The following ATG2B variants were observed in gnomAD, a reference collection of about 807,000 sequenced individuals.
ATG2B encodes the protein autophagy-related protein 2 homolog B.
Under a neutral mutation model 241.3 loss-of-function variants are expected in ATG2B, and 121 were observed. That is an observed-to-expected ratio of 0.50 (90% CI 0.43 to 0.58). ATG2B has a LOEUF of 0.58. ATG2B is among the 20% of genes least tolerant of loss of function. The probability of loss-of-function intolerance (pLI) is 0.00; values close to 1 mark genes in which losing one functional copy is unlikely to be tolerated. For synonymous variants in ATG2B, 858 were observed against 876.6 expected (o/e 0.98, Z 0.37); for missense variants, 2,306 against 2,491.6 (o/e 0.93, Z 1.59).
rs889895065 is a variant in ATG2B, at chr14:96,290,752, G to A, written c.5701+62C>T. On this transcript the variant is annotated intron_variant, in intron 39 of 41. Transcript: ENST00000359933. The surrounding 1 kb of genome is among the most constrained non-coding windows in gnomAD (Gnocchi z 4.4). The stretch of plus-strand genomic sequence containing the variant: ...ATGGTCCTCACATAAGTTCTCAAAG[G>A]GATAAGAATTACTCATCTGAAAAAA... 59 of 1,571,724 alleles carry A rather than the reference G, an allele frequency of 3.8e-5. No individual in the cohort carries two copies. The East Asian group carries it at 1.3e-3, about 35-fold the overall frequency.
In ATG2B at chr14:96,291,702, C is replaced by CAAAA; in HGVS notation, c.5497-21_5497-20insTTTT. On this transcript the variant is annotated intron_variant, in intron 37 of 41. Transcript: ENST00000359933. ...CGTACCCTTCAAAATTAAAAAAGGC[C>CAAAA]AAATTAACCTTACTGTAAATTAAGA... is the stretch of plus-strand genomic sequence containing the variant. 1 of 1,550,808 alleles carries CAAAA rather than the reference C, an allele frequency of 6.4e-7. No individual in the cohort carries two copies. Among genetic ancestry groups the CAAAA allele is most frequent in the Non-Finnish European group, 8.9e-7 (1 of 1,129,474 alleles).
At position 96,329,595 on chromosome 14, in the gene ATG2B, T is replaced by C. The variant is rs764183887; in HGVS notation, c.1770A>G (p.Arg590=). The change falls in exon 12 of 42, where the codon AGA becomes AGG. Residue 590 remains arginine, a synonymous_variant. Transcript: ENST00000359933. The stretch of plus-strand genomic sequence containing the variant: ...TAAAATATCGGGAAGCTGATCTTTG[T>C]CTTTGTTCATAGGATACTTTAATGC... ...GTGIKVSYEQ[R]QRSASRYFST... The C allele has an allele frequency of 2.5e-6, 4 of 1,609,608 alleles. No homozygotes were observed. The highest frequency in any genetic ancestry group is 3.4e-6 in the Non-Finnish European group (4 of 1,176,244).
At chr14:96,348,640 C>T (rs905869305) in intron 1 of ATG2B, among the ~76,000 whole-genome samples, 7 of 150,774 alleles carry the variant, frequency 4.6e-5, no homozygotes, top group African/African-American at 1.7e-4. Flanking sequence ...CCACTGCACT[C>T]CAGCCTGGGC....
intron 1 of ATG2B, among the ~76,000 whole-genome samples, chr14:96,357,645 G>A (rs1888514171): frequency 1.3e-5 from 2 of 151,560 alleles, no homozygotes; most frequent in Admixed American, 6.6e-5. Flanking sequence ...CGGTCATCAA[G>A]GTTCTTCCCT....
rs767202897 is a variant in ATG2B, at chr14:96,295,176, G to T, written c.5219-9C>A. The T allele has an allele frequency of 6.8e-6, 11 of 1,610,524 alleles. No individual in the cohort carries two copies. The highest frequency in any genetic ancestry group is 9.3e-6 in the Non-Finnish European group (11 of 1,177,096). ...TCCAGGAGACTTTTTAACTGAAAAT[G>T]TAATGTGCATGTTTGAAAAATTAGA... On this transcript the variant is annotated splice_polypyrimidine_tract_variant and intron_variant, in intron 35 of 41. Coordinates refer to ENST00000359933, the MANE Select transcript of ATG2B (RefSeq NM_018036.7).
intron 23 of ATG2B, among the ~76,000 whole-genome samples, chr14:96,313,677 A>C (rs1301972722): frequency 2.8e-5 from 4 of 142,714 alleles, no homozygotes. Flanking sequence ...GCATTTTACT[A>C]TGCATATCAA....
At chr14:96,286,428 T>C (rs1251460631) in intron 41 of ATG2B, among the ~76,000 whole-genome samples, 1 of 152,212 alleles carries the variant, frequency 6.6e-6, no homozygotes, top group African/African-American at 2.4e-5. Flanking sequence ...TTACTGGCTA[T>C]GTATTAGGAA....
At position 96,322,161 on chromosome 14, in the gene ATG2B, T is replaced by C. The variant is rs1887475612; in HGVS notation, c.2830A>G (p.Ile944Val). 6.4e-7 allele frequency: 1 copy of C among 1,572,598 alleles called. No homozygotes were observed. Among genetic ancestry groups the C allele is most frequent in the Non-Finnish European group, 8.6e-7 (1 of 1,165,686 alleles). ...HYVLELTLPN[I>V]YVTLPNKSFY... ...CTCTTATTAGGTAGTGTTACATAAA[T>C]ATTTGGTAACGTAAGTTCCAGCACA... The change falls in exon 18 of 42, where the codon ATT becomes GTT. Residue 944 changes from isoleucine to valine, a missense_variant. Physicochemically the swap from Ile to Val is conservative, Grantham distance 29. Transcript: ENST00000359933.
rs1246462687 is a variant in ATG2B, at chr14:96,285,718, C to G, written c.*37G>C. On this transcript the variant is annotated 3_prime_UTR_variant, in exon 42 of 42. Coordinates refer to ENST00000359933, the MANE Select transcript of ATG2B (RefSeq NM_018036.7). The surrounding 1 kb of genome is among the most constrained non-coding windows in gnomAD (Gnocchi z 4.2). ...CTGTCAGGACTCTGAGCTCCTGGTT[C>G]CACTCTCCTTATCTTCACACTGTCA... The G allele has an allele frequency of 3.8e-6, 6 of 1,589,008 alleles. No individual in the cohort carries two copies. The highest frequency in any genetic ancestry group is 5.2e-6 in the Non-Finnish European group (6 of 1,159,436).
intron 1 of ATG2B, among the ~76,000 whole-genome samples, chr14:96,353,705 A>C (rs1040388242): frequency 6.6e-6 from 1 of 151,518 alleles, no homozygotes; most frequent in Non-Finnish European, 1.5e-5. Context: ...ATATTTGCTT[A>C]ATGCAAAAGA....
At chr14:96,359,189 T>G (rs925766838) in intron 1 of ATG2B, among the ~76,000 whole-genome samples, 1 of 152,022 alleles carries the variant, frequency 6.6e-6, no homozygotes, top group African/African-American at 2.4e-5. Flanking sequence ...CTGGGCAACA[T>G]GGCGAAATCC....
intron 29 of ATG2B, among the ~76,000 whole-genome samples, chr14:96,308,283 T>TATGTATATATATATATA (rs1491275020): frequency 3.3e-5 from 1 of 30,214 alleles, no homozygotes; most frequent in Non-Finnish European, 6.6e-5. Flanking sequence ...TATATATATA[T>TATGTATATATATATATA]TTTTTTTTTT....
chr14:96,339,985 T>C (rs556654405), intron 6 of ATG2B, among the ~76,000 whole-genome samples: 99 of 150,480 alleles, frequency 6.6e-4, no homozygotes, highest in African/African-American at 2.4e-3. Context: ...GAAAGCAATA[T>C]ACCAAAGAGA....
rs557630710 is a variant in ATG2B at position 96,303,037 on chromosome 14, CACA to C, written c.5037+21_5037+23del. 1,120 of 1,447,376 alleles carry C rather than the reference CACA, an allele frequency of 7.7e-4. 12 individuals are homozygous for C. In the African/African-American group the frequency reaches 0.014, roughly 17 times the overall value. 89.7% of individuals were successfully genotyped at this position (1,447,376 alleles called of 1,614,324 possible). A position where few individuals can be genotyped will look rare whatever the true frequency, so the allele number is the denominator to read the frequency against. On this transcript the variant is annotated intron_variant, in intron 33 of 41. Transcript: ENST00000359933. ...AAACACGTTTCCAAAACTAACATAA[CACA>C]ACGATGAGGTTAACTCTTACCATGT...
intron 6 of ATG2B, among the ~76,000 whole-genome samples, chr14:96,335,965 T>C (rs1052670772): frequency 6.6e-6 from 1 of 152,032 alleles, no homozygotes; most frequent in Non-Finnish European, 1.5e-5. Context: ...CTTTTGAAAA[T>C]ATAAAAGAAC....
At chr14:96,300,725 T>C (rs1886766633) in intron 34 of ATG2B, among the ~76,000 whole-genome samples, 1 of 152,232 alleles carries the variant, frequency 6.6e-6, no homozygotes, top group Admixed American at 6.5e-5. Flanking sequence ...CTTTTCATAA[T>C]GATAAAACAT....
intron 31 of ATG2B, among the ~76,000 whole-genome samples, chr14:96,305,189 T>C (rs1358509590): frequency 6.6e-6 from 1 of 152,096 alleles, no homozygotes; most frequent in Non-Finnish European, 1.5e-5. Context: ...GACCACAGGC[T>C]CTCTGCTCAG....
chr14:96,329,365 G>A, intron 12 of ATG2B, 119 bp downstream of exon 12: 2 of 614,132 alleles, frequency 3.3e-6, no homozygotes, highest in Non-Finnish European at 5.2e-6. Flanking sequence ...AAAAGAAAAT[G>A]ACAATATTCC....
intron 41 of ATG2B, among the ~76,000 whole-genome samples, chr14:96,287,039 A>AG (rs1886353684): frequency 6.6e-6 from 1 of 152,040 alleles, no homozygotes; most frequent in Non-Finnish European, 1.5e-5. Flanking sequence ...GCGGATCACG[A>AG]GGTCAGGAGA....
Sources: allele counts gnomAD v4.1 joint callset (sites outside exome capture counted in the v4.1 genomes callset), GRCh38; gene constraint gnomAD v4.1.1; non-coding constraint Gnocchi (gnomAD v3.1); transcripts MANE v1.5; gene names NCBI Gene and HGNC (gene_info 2026-07-23, HGNC 2026-07-21).